Variants in COPS3 observed in about 807,000 individuals in gnomAD.
The protein encoded by COPS3 is COP9 signalosome subunit 3.
A neutral mutation model predicts 58.2 loss-of-function variants in COPS3; 10 were observed. The observed-to-expected ratio is 0.17, with a 90% CI of 0.11 to 0.29. The LOEUF is 0.29. Among genes scored for constraint, COPS3 ranks in the 10% least tolerant of loss-of-function variants. COPS3 has a pLI of 1.00. For synonymous variants in COPS3, 187 were observed against 181.7 expected, an observed-to-expected ratio of 1.03 and a Z score of -0.24; for missense variants, 333 against 510.1, an observed-to-expected ratio of 0.65 and a Z score of 3.34.
intron 7 of COPS3, 153 bp downstream of exon 7, chr17:17,261,812 GA>G (rs1326788959): frequency 2.8e-5 from 17 of 616,204 alleles, no homozygotes; most frequent in Non-Finnish European, 3.9e-5. Flanking sequence ...CAGGTAATGA[GA>G]ATGTGTAGCA....
At chr17:17,253,077 TTAGC>T (rs898758639) in intron 9 of COPS3, among the ~76,000 whole-genome samples, 3 of 152,030 alleles carry the variant, frequency 2.0e-5, no homozygotes, top group Non-Finnish European at 4.4e-5. Flanking sequence ...AATTTAAAAA[TTAGC>T]TGGGTGTGGT....
At chr17:17,257,724 G>C (rs372393783) in intron 8 of COPS3, among the ~76,000 whole-genome samples, 1 of 150,798 alleles carries the variant, frequency 6.6e-6, no homozygotes, top group Non-Finnish European at 1.5e-5. Flanking sequence ...GTGAACCCGG[G>C]AGGTGGAGCT....
At chr17:17,276,847 G>C (rs905666593) in intron 1 of COPS3, among the ~76,000 whole-genome samples, 1 of 151,942 alleles carries the variant, frequency 6.6e-6, no homozygotes. Flanking sequence ...TCTTCTAAAT[G>C]GTCTGCCTAC....
At chr17:17,276,230 C>T (rs780651065) in intron 1 of COPS3, 66 bp from the exon 2 acceptor site, 2 of 1,594,408 alleles carry the variant, frequency 1.3e-6, no homozygotes, top group Non-Finnish European at 8.6e-7. Context: ...GGAACTCTAA[C>T]CACAACTTTG....
intron 6 of COPS3, among the ~76,000 whole-genome samples, chr17:17,262,690 A>G (rs886830672): frequency 6.6e-6 from 1 of 151,932 alleles, no homozygotes; most frequent in Admixed American, 6.6e-5. Context: ...AGATTGCGCC[A>G]CTGCACTCCA....
intron 4 of COPS3, among the ~76,000 whole-genome samples, chr17:17,268,847 C>CA (rs200206343): frequency 1.4e-4 from 7 of 48,564 alleles, no homozygotes; most frequent in African/African-American, 7.2e-4. Context: ...ACAACAACAA[C>CA]AAAAATATAT....
chr17:17,249,733 C>G (rs2047800100), intron 9 of COPS3, among the ~76,000 whole-genome samples: 1 of 152,200 alleles, frequency 6.6e-6, no homozygotes, highest in Admixed American at 6.5e-5. Flanking sequence ...TTTAGGTGAG[C>G]CATCCGCCTC....
chr17:17,257,169 G>T (rs1044351449), intron 8 of COPS3, among the ~76,000 whole-genome samples: 13 of 152,092 alleles, frequency 8.5e-5, no homozygotes, highest in Non-Finnish European at 1.8e-4. Flanking sequence ...TTTGAGACCA[G>T]CCTGGCCAAC....
intron 2 of COPS3, among the ~76,000 whole-genome samples, chr17:17,271,572 C>A (rs2048342501): frequency 6.6e-6 from 1 of 152,122 alleles, no homozygotes; most frequent in Non-Finnish European, 1.5e-5. Flanking sequence ...GTAATCCCAG[C>A]ACCTTGGGAG....
At chr17:17,256,681 G>A (rs1465127183) in intron 8 of COPS3, among the ~76,000 whole-genome samples, 1 of 152,102 alleles carries the variant, frequency 6.6e-6, no homozygotes, top group Non-Finnish European at 1.5e-5. Context: ...GTTCATAGCA[G>A]TTCAAGGGAA....
chr17:17,267,635 CAAAA>C (rs553294077), intron 5 of COPS3, among the ~76,000 whole-genome samples: 3 of 107,184 alleles, frequency 2.8e-5, no homozygotes, highest in Non-Finnish European at 3.6e-5. Flanking sequence ...GAGACTGTCT[CAAAA>C]AAAAAAAAAA....
intron 6 of COPS3, among the ~76,000 whole-genome samples, chr17:17,262,522 G>A (rs969029887): frequency 6.6e-6 from 1 of 152,046 alleles, no homozygotes; most frequent in African/African-American, 2.4e-5. Context: ...GAGGTCAGGG[G>A]ATCGAGACCA....
chr17:17,267,022 A>T (rs1256259396), intron 5 of COPS3, among the ~76,000 whole-genome samples: 1 of 150,480 alleles, frequency 6.6e-6, no homozygotes, highest in African/African-American at 2.4e-5. Flanking sequence ...CCACAATTTT[A>T]AAAAAATGAT....
At chr17:17,252,559 C>T (rs1736200) in intron 9 of COPS3, among the ~76,000 whole-genome samples, 76,455 of 151,532 alleles carry the variant, frequency 0.5, 19,793 homozygotes, top group East Asian at 0.63. Flanking sequence ...TGCTTCCAGA[C>T]GTTGCCTAAT....
In COPS3 at chr17:17,247,086, T is replaced by A; in HGVS notation, c.*12A>T. ...GTAGTTTCTCTTGTTTAGCTCAGGA[T>A]GGATGTTAGTTTCAAGAATAACTGG... On this transcript the variant is annotated 3_prime_UTR_variant, in exon 12 of 12. Transcript: ENST00000268717. 1 of 1,612,188 alleles carries A rather than the reference T, an allele frequency of 6.2e-7. No homozygotes were observed. The highest frequency in any genetic ancestry group is 8.5e-7 in the Non-Finnish European group (1 of 1,178,196).
rs374405671 is a variant in COPS3, at chr17:17,281,220, G to T, written c.-34C>A. The T allele has an allele frequency of 1.9e-6, 3 of 1,596,472 alleles. No individual in the cohort carries two copies. The highest frequency in any genetic ancestry group is 1.7e-6 in the Non-Finnish European group (2 of 1,171,594). On this transcript the variant is annotated 5_prime_UTR_variant, in exon 1 of 12. In the 5' UTR this introduces an upstream ATG that the reference lacks. Coordinates refer to ENST00000268717, the MANE Select transcript of COPS3 (RefSeq NM_003653.4). ...CCGGGCGGCCCGAGCGGCGAAGGCAGCACGCGCGGGAAAAGGCTGCCGCTC... is the reference window on the plus strand; with the variant it reads ...CCGGGCGGCCCGAGCGGCGAAGGCATCACGCGCGGGAAAAGGCTGCCGCTC...
rs141724640 is a variant in COPS3, at chr17:17,261,681, G to A, written c.762+285C>T. 3.0e-5 allele frequency: 13 copies of A among 434,894 alleles called. No homozygotes were observed. The East Asian group carries it at 5.9e-4, about 20-fold the overall frequency. 26.9% of individuals were successfully genotyped at this position (434,894 alleles called of 1,614,324 possible). ...TCAACACCAACCTGGCCAACATAGC[G>A]AGACTCTGTCTCTAGGGAAAAAAAA... On this transcript the variant is annotated intron_variant, in intron 7 of 11. Coordinates refer to ENST00000268717, the MANE Select transcript of COPS3 (RefSeq NM_003653.4).
chr17:17,260,866 G>C (rs575210870), intron 7 of COPS3, among the ~76,000 whole-genome samples: 2 of 150,658 alleles, frequency 1.3e-5, no homozygotes, highest in East Asian at 1.9e-4. Context: ...TGTATAGGAA[G>C]CAAAAACACA....
At chr17:17,259,754 C>T (rs906631654) in intron 8 of COPS3, among the ~76,000 whole-genome samples, 11 of 152,040 alleles carry the variant, frequency 7.2e-5, no homozygotes, top group African/African-American at 1.9e-4. Flanking sequence ...ATTAGCTGGG[C>T]GTGGTGGCTC....
Sources: allele counts gnomAD v4.1 joint callset (sites outside exome capture counted in the v4.1 genomes callset), GRCh38; gene constraint gnomAD v4.1.1; transcripts MANE v1.5; gene names NCBI Gene and HGNC (gene_info 2026-07-23, HGNC 2026-07-21).